GRM5: variants seen among roughly 807,000 people sequenced by gnomAD.
GRM5 encodes metabotropic glutamate receptor 5.
GRM5 carries 19 observed loss-of-function variants against 83.1 expected under a neutral mutation model. The observed-to-expected ratio is 0.23, with a 90% confidence interval of 0.16 to 0.34. The LOEUF (loss-of-function observed/expected upper bound fraction) is 0.34. Among genes scored for constraint, GRM5 ranks in the 10% least tolerant of loss-of-function variants. The pLI is 1.00. For synonymous variants in GRM5, 675 were observed against 633.6 expected (o/e 1.07, Z -0.98); for missense variants, 1,160 against 1,588.3 (o/e 0.73, Z 4.58).
At chr11:88,626,332 G>A (rs1938796662) in intron 4 of GRM5, among the ~76,000 whole-genome samples, 1 of 152,204 alleles carries the variant, frequency 6.6e-6, no homozygotes, top group Non-Finnish European at 1.5e-5. Context: ...AATTAAAGCA[G>A]AATATATAAA....
intron 2 of GRM5, among the ~76,000 whole-genome samples, chr11:89,003,462 A>G (rs1940443985): frequency 6.6e-6 from 1 of 152,124 alleles, no homozygotes; most frequent in African/African-American, 2.4e-5. Context: ...TTTAAAAGCA[A>G]TGTAATATAG....
intron 3 of GRM5, among the ~76,000 whole-genome samples, chr11:88,801,041 A>G (rs1943383953): frequency 6.6e-6 from 1 of 152,140 alleles, no homozygotes; most frequent in Non-Finnish European, 1.5e-5. Context: ...GTTTTATAGA[A>G]ATCCAAAGTC....
At chr11:88,781,790 C>A (rs918476405) in intron 3 of GRM5, among the ~76,000 whole-genome samples, 1 of 152,290 alleles carries the variant, frequency 6.6e-6, no homozygotes, top group African/African-American at 2.4e-5. Flanking sequence ...TAAATCATTT[C>A]TTTGCTAAAT....
At chr11:88,961,511 G>T (rs1481127796) in intron 2 of GRM5, among the ~76,000 whole-genome samples, 1 of 152,044 alleles carries the variant, frequency 6.6e-6, no homozygotes, top group East Asian at 1.9e-4. Flanking sequence ...GACCTCATTT[G>T]TCTCACAGAT....
At chr11:88,862,068 C>A (rs982709) in intron 2 of GRM5, among the ~76,000 whole-genome samples, 63,596 of 151,940 alleles carry the variant, frequency 0.42, 13,538 homozygotes, top group East Asian at 0.57. Context: ...GTTACTGAAG[C>A]TACTCTGCAT....
At chr11:88,776,277 CT>C (rs1342568297) in intron 3 of GRM5, among the ~76,000 whole-genome samples, 2 of 151,302 alleles carry the variant, frequency 1.3e-5, no homozygotes, top group South Asian at 4.2e-4. Flanking sequence ...GTTTTTTTTG[CT>C]TTCCATTTGT....
At position 89,031,059 on chromosome 11, in the gene GRM5, T is replaced by C. The variant is rs140816143; in HGVS notation, c.661+16153A>G. On this transcript the variant is annotated intron_variant, in intron 2 of 9. Transcript: ENST00000305447. Reference sequence around the variant, plus strand: ...GAGTTGAGGTCTAACAAAAGTTTAGTAAAAATCTTACTCTGGATATATGGA... The same window carrying C: ...GAGTTGAGGTCTAACAAAAGTTTAGCAAAAATCTTACTCTGGATATATGGA... Among the ~76,000 whole-genome samples, 367 of 152,116 alleles carry C rather than the reference T, an allele frequency of 2.4e-3. 15 individuals are homozygous for C. The East Asian group carries it at 0.064, about 27-fold the overall frequency.
intron 7 of GRM5, among the ~76,000 whole-genome samples, chr11:88,588,388 A>G (rs532685776): frequency 2.0e-5 from 3 of 152,308 alleles, no homozygotes; most frequent in South Asian, 2.1e-4. Flanking sequence ...CATTCCTGTC[A>G]TTAAAAAAAG....
At chr11:88,835,804 T>C (rs1944083847) in intron 3 of GRM5, among the ~76,000 whole-genome samples, 1 of 152,270 alleles carries the variant, frequency 6.6e-6, no homozygotes, top group Non-Finnish European at 1.5e-5. Flanking sequence ...CACATTCTTT[T>C]ATTTTAGGTA....
rs748549334 is a variant in GRM5 at position 88,567,787 on chromosome 11, G to T, written c.1896C>A (p.Thr632=). 1.9e-6 allele frequency: 3 copies of T among 1,613,918 alleles called. No homozygotes were observed. Among genetic ancestry groups the T allele is most frequent in the South Asian group, 2.2e-5 (2 of 91,078 alleles). ...LAGICLGYLC[T]FCLIAKPKQI... ...GTTTGGGCTTCGCAATGAGGCAGAA[G>T]GTACATAAGTAGCCCAGGCAGATGC... The change falls in exon 8 of 10, where the codon ACC becomes ACA. Residue 632 remains threonine, a synonymous_variant. Coordinates refer to ENST00000305447, the MANE Select transcript of GRM5 (RefSeq NM_001143831.3). This position sits in a 1 kb window ranked among gnomAD's most constrained non-coding sequence, Gnocchi z 7.3.
chr11:88,989,775 G>A (rs531575454), intron 2 of GRM5, among the ~76,000 whole-genome samples: 1,965 of 148,300 alleles, frequency 0.013, 51 homozygotes, highest in African/African-American at 0.046. Context: ...GGTACATAAC[G>A]AAATGAAGGC....
At chr11:88,974,664 C>A (rs1481116404) in intron 2 of GRM5, among the ~76,000 whole-genome samples, 1 of 152,082 alleles carries the variant, frequency 6.6e-6, no homozygotes, top group South Asian at 2.1e-4. Flanking sequence ...GTAAGTTTTA[C>A]ATTCTATCAT....
intron 2 of GRM5, among the ~76,000 whole-genome samples, chr11:89,020,726 C>T (rs544148500): frequency 2.6e-5 from 4 of 152,272 alleles, no homozygotes; most frequent in African/African-American, 4.8e-5. Context: ...CCATTCATTA[C>T]ATATTATTCT....
rs184628199 is a variant in GRM5, at chr11:88,757,247, T to C, written c.911+92659A>G. ...ATACACTGCAAGCTTCCCTCGGGACTGCAGCCACCCTCCACATCATTTTGC... is the reference window on the plus strand; with the variant it reads ...ATACACTGCAAGCTTCCCTCGGGACCGCAGCCACCCTCCACATCATTTTGC... On this transcript the variant is annotated intron_variant, in intron 3 of 9. Coordinates refer to ENST00000305447, the MANE Select transcript of GRM5 (RefSeq NM_001143831.3). Among the ~76,000 whole-genome samples the C allele has an allele frequency of 2.6e-3, 393 of 152,312 alleles. 8 individuals carry two copies. The highest frequency in any genetic ancestry group is 2.1e-3 in the Non-Finnish European group (143 of 68,024).
At chr11:88,926,916 A>G (rs1313713692) in intron 2 of GRM5, among the ~76,000 whole-genome samples, 1 of 152,168 alleles carries the variant, frequency 6.6e-6, no homozygotes, top group African/African-American at 2.4e-5. Context: ...TAAATTAATT[A>G]TTTGATAATT....
intron 3 of GRM5, among the ~76,000 whole-genome samples, chr11:88,846,777 T>A (rs1944309669): frequency 6.6e-6 from 1 of 152,020 alleles, no homozygotes; most frequent in Non-Finnish European, 1.5e-5. Context: ...TTTCAGAATA[T>A]CTGTAAACAA....
At chr11:88,647,219 C>T (rs4488199) in intron 4 of GRM5, among the ~76,000 whole-genome samples, 103,491 of 151,884 alleles carry the variant, frequency 0.68, 41,185 homozygotes, top group Non-Finnish European at 0.9. Flanking sequence ...TGACTTCATC[C>T]TTATTAGTTA....
At chr11:88,752,580 T>C (rs1243346392) in intron 3 of GRM5, among the ~76,000 whole-genome samples, 3 of 152,228 alleles carry the variant, frequency 2.0e-5, no homozygotes, top group Non-Finnish European at 4.4e-5. Flanking sequence ...TTTGCCATTT[T>C]TCACAGAATT....
intron 3 of GRM5, among the ~76,000 whole-genome samples, chr11:88,740,882 A>G (rs949108173): frequency 2.0e-5 from 3 of 152,060 alleles, no homozygotes; most frequent in African/African-American, 7.2e-5. Context: ...TTATCTAGCC[A>G]CAGAGGTAAG....
Sources: allele counts gnomAD v4.1 joint callset (sites outside exome capture counted in the v4.1 genomes callset), GRCh38; gene constraint gnomAD v4.1.1; non-coding constraint Gnocchi (gnomAD v3.1); transcripts MANE v1.5; gene names NCBI Gene and HGNC (gene_info 2026-07-23, HGNC 2026-07-21).